ASB13: variants seen among roughly 807,000 people sequenced by gnomAD.
ASB13 encodes ankyrin repeat and SOCS box protein 13.
In ASB13, 33 loss-of-function variants were observed where a neutral mutation model predicts 28.8. The ratio of observed to expected loss-of-function variants is 1.15; its 90% CI spans 0.87 to 1.53. The LOEUF (loss-of-function observed/expected upper bound fraction) is 1.53. ASB13 is among the 40% of genes most tolerant of loss of function. ASB13 has a pLI of 0.00. For missense variants in ASB13, 414 were observed against 390.1 expected (o/e 1.06, Z -0.52); for synonymous variants, 182 against 172.9 (o/e 1.05, Z -0.41).
At position 5,663,283 on chromosome 10, in the gene ASB13, G is replaced by A. The variant is rs1047356022; in HGVS notation, c.43+3226C>T. Among the ~76,000 whole-genome samples, 6 of 152,192 alleles carry A rather than the reference G, an allele frequency of 3.9e-5. No individual in the cohort carries two copies. Among genetic ancestry groups the A allele is most frequent in the Non-Finnish European group, 8.8e-5 (6 of 68,034 alleles). On this transcript the variant is annotated intron_variant, in intron 1 of 5. Transcript: ENST00000357700. This position sits in a 1 kb window ranked among gnomAD's most constrained non-coding sequence, Gnocchi z 4.9. ...AGTAAAGGAACTGGGAGAAAGGACCGAAGGTGTCAGGAGAGCTTGGTGAAT... is the reference window on the plus strand; with the variant it reads ...AGTAAAGGAACTGGGAGAAAGGACCAAAGGTGTCAGGAGAGCTTGGTGAAT...
intron 1 of ASB13, among the ~76,000 whole-genome samples, chr10:5,666,073 C>T (rs929436076): frequency 6.6e-6 from 1 of 152,204 alleles, no homozygotes; most frequent in African/African-American, 2.4e-5. Context: ...GCGCCACGGC[C>T]TCACCCGCGC....
In ASB13 at chr10:5,666,585, C is replaced by A; in HGVS notation, c.-34G>T. On this transcript the variant is annotated 5_prime_UTR_variant, in exon 1 of 6. Coordinates refer to ENST00000357700, the MANE Select transcript of ASB13 (RefSeq NM_024701.4). ...CCGGCGGCCGCGCGGCGACTCTGGG[C>A]GCCGGGACCTGGGCCGGGCCGCGCG... The A allele has an allele frequency of 3.6e-6, 4 of 1,119,430 alleles. No homozygotes were observed. Among genetic ancestry groups the A allele is most frequent in the Non-Finnish European group, 4.4e-6 (4 of 916,598 alleles). 69.3% of individuals were successfully genotyped at this position (1,119,430 alleles called of 1,614,324 possible). A position where few individuals can be genotyped will look rare whatever the true frequency, so the allele number is the denominator to read the frequency against.
intron 4 of ASB13, among the ~76,000 whole-genome samples, chr10:5,647,159 T>C (rs1834898434): frequency 6.6e-6 from 1 of 152,180 alleles, no homozygotes; most frequent in South Asian, 2.1e-4. Context: ...GGGGACTTGC[T>C]ATGTTTCCCA....
At position 5,651,425 on chromosome 10, in the gene ASB13, T is replaced by C; in HGVS notation, c.232-62A>G. On this transcript the variant is annotated intron_variant, in intron 2 of 5. Transcript: ENST00000357700. The surrounding 1 kb of genome is among the most constrained non-coding windows in gnomAD (Gnocchi z 5.1). ...AAATGCCACGCAACCCACTTTCCCA[T>C]CCTGCTGCAGGTTCATCTTTGCTAA... 2.7e-6 allele frequency: 4 copies of C among 1,475,102 alleles called. 1 individual carries two copies. The South Asian group carries it at 4.1e-5, about 15-fold the overall frequency. The allele number at this position is 1,475,102 out of a possible 1,614,324, so 91.4% of individuals were successfully genotyped here. A position where few individuals can be genotyped will look rare whatever the true frequency, so the allele number is the denominator to read the frequency against.
Position 5,649,640 on chromosome 10 carries a change from C to G in ASB13, c.383-536G>C, listed in dbSNP as rs1411516700. Among the ~76,000 whole-genome samples, 1 of 151,306 alleles carries G rather than the reference C, an allele frequency of 6.6e-6. No homozygotes were observed. The highest frequency in any genetic ancestry group is 6.6e-5 in the Admixed American group (1 of 15,254). ...TCCCGGGTTAAAGCGATTCTCCCAC[C>G]TCAGCCTCCCAAATAGCTGGAATTA... On this transcript the variant is annotated intron_variant, in intron 3 of 5. Coordinates refer to ENST00000357700, the MANE Select transcript of ASB13 (RefSeq NM_024701.4). The surrounding 1 kb of genome is among the most constrained non-coding windows in gnomAD (Gnocchi z 6.4).
Position 5,658,418 on chromosome 10 carries a change from CT to C in ASB13, c.44-5369del, listed in dbSNP as rs1835104818. 7.0e-6 allele frequency among the ~76,000 whole-genome samples: 1 copy of C among 143,074 alleles called. No individual in the cohort carries two copies. The highest frequency in any genetic ancestry group is 1.5e-5 in the Non-Finnish European group (1 of 66,172). The allele number at this position is 143,074 out of a possible 152,430, so 93.9% of individuals were successfully genotyped here. A position where few individuals can be genotyped will look rare whatever the true frequency, so the allele number is the denominator to read the frequency against. On this transcript the variant is annotated intron_variant, in intron 1 of 5. Coordinates refer to ENST00000357700, the MANE Select transcript of ASB13 (RefSeq NM_024701.4). This position sits in a 1 kb window ranked among gnomAD's most constrained non-coding sequence, Gnocchi z 4.2. ...TGCACTACGGCCTGGGTGACTTTGTCTGAAAAAAAAAAAAAAAACAAAACCA... is the reference window on the plus strand; with the variant it reads ...TGCACTACGGCCTGGGTGACTTTGTCGAAAAAAAAAAAAAAAACAAAACCA...
At chr10:5,653,678 ATT>A (rs1835026292) in intron 1 of ASB13, among the ~76,000 whole-genome samples, 2 of 149,248 alleles carry the variant, frequency 1.3e-5, no homozygotes, top group Non-Finnish European at 2.9e-5. Flanking sequence ...TTATTTATTT[ATT>A]TATTTATTTA....
chr10:5,642,396 G>A lies in ASB13; in HGVS notation c.518-435C>T. ...TTGCGGGCCCAGGACGGAGGCTCCA[G>A]AAATACTGGTTGAATGAAAGAATAA... On this transcript the variant is annotated intron_variant, in intron 4 of 5. Coordinates refer to ENST00000357700, the MANE Select transcript of ASB13 (RefSeq NM_024701.4). The surrounding 1 kb of genome is among the most constrained non-coding windows in gnomAD (Gnocchi z 4.1). The A allele has an allele frequency of 4.8e-6, 4 of 831,302 alleles. No individual in the cohort carries two copies. The highest frequency in any genetic ancestry group is 6.2e-6 in the Non-Finnish European group (4 of 641,170). 51.5% of individuals were successfully genotyped at this position (831,302 alleles called of 1,614,324 possible). A position where few individuals can be genotyped will look rare whatever the true frequency, so the allele number is the denominator to read the frequency against.
At position 5,642,192 on chromosome 10, in the gene ASB13, A is replaced by C. The variant is rs1269660458; in HGVS notation, c.518-231T>G. Among the ~76,000 whole-genome samples, 1 of 152,232 alleles carries C rather than the reference A, an allele frequency of 6.6e-6. No homozygotes were observed. The highest frequency in any genetic ancestry group is 2.4e-5 in the African/African-American group (1 of 41,454). On this transcript the variant is annotated intron_variant, in intron 4 of 5. Transcript: ENST00000357700. This position sits in a 1 kb window ranked among gnomAD's most constrained non-coding sequence, Gnocchi z 4.1. ...AAAGGTAGGCAGCAATAATAAAGAA[A>C]TAACTAGAAATAGAACCGAAAAGAA...
At position 5,653,035 on chromosome 10, in the gene ASB13, C is replaced by A; in HGVS notation, c.59G>T (p.Arg20Leu). Residue 20 changes from arginine to leucine, a missense_variant, in exon 2 of 6, where the codon CGG becomes CTG. Transcript: ENST00000357700. ...FLGDVGFWVE[R>L]TPVHEAAQRG... ...CTGGGCTGCCTCGTGCACAGGGGTC[C>A]GCTCCACCCAGAAACCTGGAAAGGA... 1 of 1,545,788 alleles carries A rather than the reference C, an allele frequency of 6.5e-7. No individual in the cohort carries two copies. Among genetic ancestry groups the A allele is most frequent in the Non-Finnish European group, 8.7e-7 (1 of 1,143,650 alleles).
chr10:5,659,664 C>G lies in ASB13; in HGVS notation c.44-6614G>C, dbSNP rs557860434. ...GCCTCCCGAGCATGCAGCCCACCCC[C>G]CCACGCCATCTCCACACTATTGCCC... On this transcript the variant is annotated intron_variant, in intron 1 of 5. Transcript: ENST00000357700. The surrounding 1 kb of genome is among the most constrained non-coding windows in gnomAD (Gnocchi z 5.8). Among the ~76,000 whole-genome samples the G allele has an allele frequency of 1.6e-3, 249 of 152,212 alleles. No individual in the cohort carries two copies. Among genetic ancestry groups the G allele is most frequent in the Admixed American group, 8.4e-3 (129 of 15,286 alleles).
intron 4 of ASB13, among the ~76,000 whole-genome samples, chr10:5,648,252 T>C (rs1181945752): frequency 7.1e-4 from 74 of 104,118 alleles, no homozygotes; most frequent in African/African-American, 1.0e-3. Context: ...CCCACTCAGG[T>C]AAACACCCAC....
rs7080382 is a variant in ASB13 at position 5,645,604 on chromosome 10, T to G, written c.517+3366A>C. On this transcript the variant is annotated intron_variant, in intron 4 of 5. Transcript: ENST00000357700. This position sits in a 1 kb window ranked among gnomAD's most constrained non-coding sequence, Gnocchi z 5.4. ...CACAGCTCAGCTCTCAAACCGCACA[T>G]GAAAGCACCTGCACTCATGTGGGCC... Among the ~76,000 whole-genome samples, 1 of 152,290 alleles carries G rather than the reference T, an allele frequency of 6.6e-6. No homozygotes were observed. Among genetic ancestry groups the G allele is most frequent in the African/African-American group, 2.4e-5 (1 of 41,540 alleles).
rs11812745 is a variant in ASB13 at position 5,658,941 on chromosome 10, C to G, written c.44-5891G>C. On this transcript the variant is annotated intron_variant, in intron 1 of 5. Transcript: ENST00000357700. This position sits in a 1 kb window ranked among gnomAD's most constrained non-coding sequence, Gnocchi z 4.2. ...CTTCCAGGGGGCGAAGAGACCCACT[C>G]TCTTCATAAACATCAGCCCCCAGCA... 0.11 allele frequency among the ~76,000 whole-genome samples: 16,272 copies of G among 152,214 alleles called. 1,096 individuals carry two copies. Among genetic ancestry groups the G allele is most frequent in the East Asian group, 0.37 (1,915 of 5,162 alleles).
In ASB13 at chr10:5,655,884, G is replaced by A. The variant is rs141600165; in HGVS notation, c.44-2834C>T. On this transcript the variant is annotated intron_variant, in intron 1 of 5. Coordinates refer to ENST00000357700, the MANE Select transcript of ASB13 (RefSeq NM_024701.4). This position sits in a 1 kb window ranked among gnomAD's most constrained non-coding sequence, Gnocchi z 6.2. Reference sequence around the variant, plus strand: ...TGAGCCGGGAAGGCGCGTTCCCGACGTGCCTCCATTCACAAGACGTCCAGG... The same window carrying A: ...TGAGCCGGGAAGGCGCGTTCCCGACATGCCTCCATTCACAAGACGTCCAGG... Among the ~76,000 whole-genome samples, 263 of 152,296 alleles carry A rather than the reference G, an allele frequency of 1.7e-3. 1 individual carries two copies. Among genetic ancestry groups the A allele is most frequent in the African/African-American group, 5.9e-3 (246 of 41,556 alleles).
Position 5,649,118 on chromosome 10 carries a change from G to T in ASB13, c.383-14C>A, listed in dbSNP as rs1446768716. 2 of 1,613,856 alleles carry T rather than the reference G, an allele frequency of 1.2e-6. No homozygotes were observed. Among genetic ancestry groups the T allele is most frequent in the Non-Finnish European group, 1.7e-6 (2 of 1,179,988 alleles). ...ATTCGGAACTCCCTTAAGATAAATG[G>T]AAAAGGGGGGGAATGTCCTTGAATA... On this transcript the variant is annotated splice_polypyrimidine_tract_variant and intron_variant, in intron 3 of 5. Transcript: ENST00000357700. The surrounding 1 kb of genome is among the most constrained non-coding windows in gnomAD (Gnocchi z 6.4).
At position 5,661,599 on chromosome 10, in the gene ASB13, A is replaced by T. The variant is rs1302097239; in HGVS notation, c.43+4910T>A. ...AGCCTCAACCTCCTAGGTTCAAGTG[A>T]TCCTCCCACCTCAGCCTCCCAAGTA... On this transcript the variant is annotated intron_variant, in intron 1 of 5. Coordinates refer to ENST00000357700, the MANE Select transcript of ASB13 (RefSeq NM_024701.4). This position sits in a 1 kb window ranked among gnomAD's most constrained non-coding sequence, Gnocchi z 4.9. 6.6e-6 allele frequency among the ~76,000 whole-genome samples: 1 copy of T among 152,062 alleles called. No homozygotes were observed. The highest frequency in any genetic ancestry group is 2.1e-4 in the South Asian group (1 of 4,820).
intron 4 of ASB13, among the ~76,000 whole-genome samples, chr10:5,648,737 C>A (rs1268307073): frequency 6.6e-6 from 1 of 151,440 alleles, no homozygotes; most frequent in Non-Finnish European, 1.5e-5. Flanking sequence ...CAGGTAAACA[C>A]CCACACGGGC....
rs1164293770 is a variant in ASB13 at position 5,641,857 on chromosome 10, T to A, written c.622A>T (p.Ile208Phe). 1.2e-6 allele frequency: 2 copies of A among 1,614,054 alleles called. No homozygotes were observed. Among genetic ancestry groups the A allele is most frequent in the Non-Finnish European group, 1.7e-6 (2 of 1,179,996 alleles). The stretch of plus-strand genomic sequence containing the variant: ...TTCCCGCGGTTGTCCCGGGCGTAGA[T>A]GTTGCCGCCAAACTCGATAAGCATC... ...IEMLIEFGGN[I>F]YARDNRGKKP... Residue 208 changes from isoleucine (I) to phenylalanine (F), a missense_variant, in exon 5 of 6, where the codon ATC (isoleucine) becomes TTC (phenylalanine). Physicochemically the swap from Ile to Phe is conservative, Grantham distance 21 (BLOSUM62 0). Coordinates refer to ENST00000357700, the MANE Select transcript of ASB13 (RefSeq NM_024701.4). This position sits in a 1 kb window ranked among gnomAD's most constrained non-coding sequence, Gnocchi z 8.4.
Sources: gnomAD v4.1 joint callset for allele counts (sites outside exome capture counted in the v4.1 genomes callset) on GRCh38, gnomAD v4.1.1 for gene constraint, Gnocchi (gnomAD v3.1) non-coding constraint, MANE v1.5 for transcripts, NCBI Gene and HGNC (gene_info 2026-07-23, HGNC 2026-07-21) for gene names.